Variants in SLC2A7 observed in about 807,000 individuals in gnomAD.
The protein encoded by SLC2A7 is solute carrier family 2 member 7.
Under a neutral mutation model 50.5 loss-of-function variants are expected in SLC2A7, and 50 were observed. That is an observed-to-expected ratio of 0.99 (90% CI 0.79 to 1.25). The LOEUF (loss-of-function observed/expected upper bound fraction) is 1.25. SLC2A7 is among the 50% of genes most tolerant of loss of function. The pLI is 0.00. For synonymous variants in SLC2A7, 308 were observed against 300.4 expected (o/e 1.03, Z -0.26); for missense variants, 683 against 679.1 (o/e 1.01, Z -0.06).
intron 2 of SLC2A7, among the ~76,000 whole-genome samples, chr1:9,023,832 CTTCTTCTTTTTTTTTTT>C (rs1640951893): frequency 8.5e-5 from 3 of 35,240 alleles, no homozygotes; most frequent in South Asian, 2.9e-3. Context: ...AGGAAATATT[CTTCTTCTTTTTTTTTTT>C]TTTTTTTTTT....
At chr1:9,009,159 G>C (rs1312879594) in intron 9 of SLC2A7, among the ~76,000 whole-genome samples, 2 of 152,184 alleles carry the variant, frequency 1.3e-5, no homozygotes, top group African/African-American at 4.8e-5. Flanking sequence ...ATGACAGAAT[G>C]AGCTCCTCAC....
At chr1:8,993,860 C>T in the SLC2A7 span, among the ~76,000 whole-genome samples, 1 of 152,126 alleles carries the variant, frequency 6.6e-6, no homozygotes, top group Non-Finnish European at 1.5e-5. Context: ...ATCTTCTGAT[C>T]TTGTGATCCA....
chr1:9,007,883 C>T (rs184095690), intron 9 of SLC2A7, among the ~76,000 whole-genome samples: 133 of 152,094 alleles, frequency 8.7e-4, no homozygotes, highest in African/African-American at 2.6e-3. Flanking sequence ...TAGAGGCGTG[C>T]GCCACCACGC....
chr1:9,004,742 CCTCA>C lies in SLC2A7; in HGVS notation c.1320+6_1320+9del, dbSNP rs762375275. 9 of 1,613,630 alleles carry C rather than the reference CCTCA, an allele frequency of 5.6e-6. No individual in the cohort carries two copies. Among genetic ancestry groups the C allele is most frequent in the Non-Finnish European group, 2.5e-6 (3 of 1,179,768 alleles). ...CGGTGGAGCGGGTTGGGGAAGGGGC[CCTCA>C]CTCACCTGGATGGATGGGAACAGGA... is the stretch of plus-strand genomic sequence containing the variant. On this transcript the variant is annotated splice_donor_region_variant and intron_variant, in intron 11 of 11. Transcript: ENST00000400906.
At chr1:9,018,513 A>T in intron 4 of SLC2A7, 138 bp from the exon 5 acceptor site, 1 of 1,261,462 alleles carries the variant, frequency 7.9e-7, no homozygotes, top group Non-Finnish European at 1.1e-6. Context: ...GCCAACCTCG[A>T]CTGTTTAGTT....
chr1:9,013,633 G>T lies in SLC2A7; in HGVS notation c.906C>A (p.Ile302=). The T allele has an allele frequency of 3.1e-6, 5 of 1,612,490 alleles. No homozygotes were observed. Among genetic ancestry groups the T allele is most frequent in the Non-Finnish European group, 4.2e-6 (5 of 1,179,178 alleles). Residue 302 remains isoleucine (I), a splice_region_variant and synonymous_variant, in exon 8 of 12, where the codon ATC becomes ATA. Coordinates refer to ENST00000400906, the MANE Select transcript of SLC2A7 (RefSeq NM_207420.3). ...AGQQLSGINA[I]NYYADTIYTS... ...TGTAGATGGTGTCCGCATAGTAGTT[G>T]ATCTAAACAAAAACACAGGGCTGTC...
chr1:9,011,341 G>T (rs2124247351), intron 8 of SLC2A7, among the ~76,000 whole-genome samples: 1 of 152,250 alleles, frequency 6.6e-6, no homozygotes, highest in South Asian at 2.1e-4. Context: ...ACCTGAATAA[G>T]AATAAAACCT....
downstream of SLC2A7, among the ~76,000 whole-genome samples, chr1:9,002,083 T>C (rs1640582796): frequency 1.4e-5 from 1 of 73,524 alleles, no homozygotes; most frequent in African/African-American, 4.0e-5. Flanking sequence ...CCATTCTCCA[T>C]TGTCGAGTAC....
chr1:9,010,369 T>C (rs559158524), intron 8 of SLC2A7, 125 bp from the exon 9 acceptor site: 2 of 749,802 alleles, frequency 2.7e-6, no homozygotes, highest in East Asian at 5.4e-5. Context: ...CTTTCTTTCT[T>C]TTTTTTTAAA....
At chr1:9,025,166 G>A (rs945591470) in intron 1 of SLC2A7, 92 bp from the exon 2 acceptor site, 85 of 1,328,468 alleles carry the variant, frequency 6.4e-5, no homozygotes, top group Non-Finnish European at 1.1e-5. Flanking sequence ...GCCTGGGCTG[G>A]AAGTGGGGGA....
At chr1:9,004,489 G>T (rs1023731137) in intron 11 of SLC2A7, among the ~76,000 whole-genome samples, 1 of 152,180 alleles carries the variant, frequency 6.6e-6, no homozygotes, top group Non-Finnish European at 1.5e-5. Flanking sequence ...GGCTTTGTTT[G>T]CTGGCGCCTT....
chr1:9,014,351 C>A (rs1237019730), intron 7 of SLC2A7, among the ~76,000 whole-genome samples: 1 of 152,270 alleles, frequency 6.6e-6, no homozygotes, highest in Non-Finnish European at 1.5e-5. Flanking sequence ...CAGGCTGGGC[C>A]TACCAACCCA....
At chr1:9,022,065 G>A (rs1640920342) in intron 3 of SLC2A7, among the ~76,000 whole-genome samples, 1 of 152,178 alleles carries the variant, frequency 6.6e-6, no homozygotes, top group Admixed American at 6.5e-5. Context: ...TGCAAGAAGA[G>A]GTCCTATGAA....
downstream of SLC2A7, among the ~76,000 whole-genome samples, chr1:9,002,796 C>T (rs1569777130): frequency 6.6e-6 from 1 of 152,342 alleles, no homozygotes; most frequent in East Asian, 1.9e-4. Context: ...TGTCGAGGGG[C>T]TGGCCCCCTT....
intron 4 of SLC2A7, among the ~76,000 whole-genome samples, chr1:9,018,874 G>A (rs1032541961): frequency 2.6e-5 from 4 of 152,092 alleles, no homozygotes; most frequent in African/African-American, 9.7e-5. Flanking sequence ...ATAAATAAAG[G>A]GAAGGGGCTA....
chr1:9,018,470 A>G, intron 4 of SLC2A7, 95 bp from the exon 5 acceptor site: 1 of 1,516,328 alleles, frequency 6.6e-7, no homozygotes, highest in East Asian at 2.4e-5. Flanking sequence ...GGGCTTCTCC[A>G]TGCTGTCAGC....
At chr1:9,013,746 G>A in intron 7 of SLC2A7, 111 bp from the exon 8 acceptor site, 1 of 837,386 alleles carries the variant, frequency 1.2e-6, no homozygotes, top group South Asian at 1.8e-5. Context: ...GGGACCCTGG[G>A]ACAGGAAGAG....
Position 9,008,132 on chromosome 1 carries a change from A to G in SLC2A7, c.1117-747T>C, listed in dbSNP as rs953576302. Among the ~76,000 whole-genome samples the G allele has an allele frequency of 6.6e-6, 1 of 152,040 alleles. No individual in the cohort carries two copies. Among genetic ancestry groups the G allele is most frequent in the African/African-American group, 2.4e-5 (1 of 41,390 alleles). On this transcript the variant is annotated intron_variant, in intron 9 of 11. Coordinates refer to ENST00000400906, the MANE Select transcript of SLC2A7 (RefSeq NM_207420.3). This position sits in a 1 kb window ranked among gnomAD's most constrained non-coding sequence, Gnocchi z 5.9. ...CTCCCAACTGCCGAGAGAACAGCCA[A>G]TGCAAAACCGGGTCAACGGACTTCA...
At chr1:9,007,469 C>T (rs961499183) in intron 9 of SLC2A7, 84 bp from the exon 10 acceptor site, 88 of 1,300,094 alleles carry the variant, frequency 6.8e-5, no homozygotes, top group South Asian at 2.5e-5. Flanking sequence ...ACCTTCCTGC[C>T]CCAGGGAGGA....
Sources: allele counts gnomAD v4.1 joint callset (sites outside exome capture counted in the v4.1 genomes callset), GRCh38; gene constraint gnomAD v4.1.1; non-coding constraint Gnocchi (gnomAD v3.1); transcripts MANE v1.5; gene names NCBI Gene and HGNC (gene_info 2026-07-23, HGNC 2026-07-21).